FHL2: variants seen among roughly 807,000 people sequenced by gnomAD.
FHL2 encodes four and a half LIM domains 2.
In FHL2, 20 loss-of-function variants were observed where a neutral mutation model predicts 32.7. The ratio of observed to expected loss-of-function variants is 0.61; its 90% CI spans 0.43 to 0.89. The LOEUF (loss-of-function observed/expected upper bound fraction) is 0.89. FHL2 is among the 40% of genes least tolerant of loss of function. The pLI is 0.00. For missense variants in FHL2, 311 were observed against 358.6 expected, an observed-to-expected ratio of 0.87 and a Z score of 1.07; for synonymous variants, 123 against 128.1, an observed-to-expected ratio of 0.96 and a Z score of 0.27.
At chr2:105,407,110 C>A (rs1009365827) in intron 1 of FHL2, among the ~76,000 whole-genome samples, 213 of 152,174 alleles carry the variant, frequency 1.4e-3, no homozygotes, top group Non-Finnish European at 2.3e-3. Flanking sequence ...AATGCCTAAG[C>A]TGCTGGGCGT....
intron 2 of FHL2, among the ~76,000 whole-genome samples, chr2:105,394,836 TAAAA>T (rs1023406718): frequency 2.0e-5 from 3 of 152,144 alleles, no homozygotes; most frequent in East Asian, 3.9e-4. Flanking sequence ...ACTTCCAACT[TAAAA>T]AAAATAAATA....
intron 1 of FHL2, among the ~76,000 whole-genome samples, chr2:105,404,955 T>G (rs1683580326): frequency 6.6e-6 from 1 of 152,232 alleles, no homozygotes; most frequent in Non-Finnish European, 1.5e-5. Context: ...TTAGAGTTTA[T>G]TTGGAGCGTC....
At chr2:105,438,300 C>G (rs1276847847) in intron 1 of FHL2, 10 of 924,480 alleles carry the variant, frequency 1.1e-5, no homozygotes, top group Middle Eastern at 5.4e-4. Context: ...CTGGACACTC[C>G]CTCTGCATGC....
chr2:105,377,171 G>T (rs1057250335), intron 3 of FHL2, among the ~76,000 whole-genome samples: 1 of 152,150 alleles, frequency 6.6e-6, no homozygotes, highest in Non-Finnish European at 1.5e-5. Flanking sequence ...AATACTAGGC[G>T]TAAATGGGCT....
chr2:105,411,935 T>C (rs1683805932), intron 1 of FHL2, among the ~76,000 whole-genome samples: 2 of 152,254 alleles, frequency 1.3e-5, no homozygotes, highest in South Asian at 4.2e-4. Context: ...ATCCTCACAA[T>C]GCCACCAAGA....
At chr2:105,427,066 C>A (rs1220646525) in intron 1 of FHL2, among the ~76,000 whole-genome samples, 1 of 152,068 alleles carries the variant, frequency 6.6e-6, no homozygotes, top group Admixed American at 6.6e-5. Context: ...GTAAGAGAGC[C>A]GCCCTTGGCA....
downstream of FHL2, chr2:105,359,103 G>A (rs558744175): frequency 2.0e-5 from 3 of 152,310 alleles, no homozygotes; most frequent in South Asian, 6.2e-4. Context: ...GTGCTCCAGT[G>A]TTCTTAACAA....
intron 1 of FHL2, among the ~76,000 whole-genome samples, chr2:105,424,499 C>G (rs1296798509): frequency 6.6e-6 from 1 of 152,198 alleles, no homozygotes; most frequent in Admixed American, 6.5e-5. Flanking sequence ...ACTAGAATTA[C>G]CATTTCACCC....
At chr2:105,425,384 A>C (rs1371948229) in intron 1 of FHL2, among the ~76,000 whole-genome samples, 1 of 150,280 alleles carries the variant, frequency 6.7e-6, no homozygotes, top group Non-Finnish European at 1.5e-5. Flanking sequence ...CCTTGAAAGC[A>C]GGGTATTGTC....
intron 1 of FHL2, among the ~76,000 whole-genome samples, chr2:105,418,487 T>G (rs368219161): frequency 6.6e-6 from 1 of 152,352 alleles, no homozygotes; most frequent in East Asian, 1.9e-4. Context: ...GTTGCACATT[T>G]CATGAGAACT....
chr2:105,382,896 A>AT (rs774741732), intron 3 of FHL2, among the ~76,000 whole-genome samples: 141 of 151,858 alleles, frequency 9.3e-4, no homozygotes, highest in Non-Finnish European at 1.7e-3. Flanking sequence ...TTTTATTTTT[A>AT]TTTTTTTAAG....
chr2:105,378,292 A>T (rs142018637), intron 3 of FHL2: 2 of 429,136 alleles, frequency 4.7e-6, no homozygotes, highest in African/African-American at 2.0e-5. Flanking sequence ...TATTATCCAC[A>T]TGTTACTGGA....
intron 3 of FHL2, among the ~76,000 whole-genome samples, chr2:105,385,185 G>GTA (rs1314104061): frequency 3.7e-4 from 57 of 152,312 alleles, no homozygotes; most frequent in Middle Eastern, 3.4e-3. Flanking sequence ...GGCTGGTGCT[G>GTA]TACCTCTTTC....
chr2:105,419,888 G>A (rs1684047662), intron 1 of FHL2, among the ~76,000 whole-genome samples: 3 of 152,172 alleles, frequency 2.0e-5, no homozygotes, highest in South Asian at 2.1e-4. Context: ...TTGAGGAAAA[G>A]TTTTATTTTC....
chr2:105,358,459 A>G (rs934895314), downstream of FHL2: 2 of 152,330 alleles, frequency 1.3e-5, no homozygotes, highest in African/African-American at 4.8e-5. Flanking sequence ...ACCTGGGGCA[A>G]AGCCCTAGAC....
intron 5 of FHL2, among the ~76,000 whole-genome samples, chr2:105,367,225 T>C (rs2104504774): frequency 6.6e-6 from 1 of 152,354 alleles, no homozygotes; most frequent in Admixed American, 6.5e-5. Context: ...GCAGTTGTTT[T>C]CTTGTTTTAT....
At chr2:105,378,143 A>G (rs1178602551) in intron 3 of FHL2, 2 of 471,256 alleles carry the variant, frequency 4.2e-6, no homozygotes, top group Non-Finnish European at 8.8e-6. Flanking sequence ...AAAGCTGGCT[A>G]AGACATGCAC....
intron 1 of FHL2, among the ~76,000 whole-genome samples, chr2:105,407,264 C>A (rs569025160): frequency 6.6e-6 from 1 of 151,774 alleles, no homozygotes; most frequent in East Asian, 2.0e-4. Context: ...TGGTGGCGGG[C>A]GCCTGTAGTC....
intron 3 of FHL2, among the ~76,000 whole-genome samples, chr2:105,382,039 C>A (rs772131658): frequency 6.6e-6 from 1 of 152,154 alleles, no homozygotes; most frequent in South Asian, 2.1e-4. Context: ...TGTGTGAAAA[C>A]CTTCGTCTCC....
Sources: gnomAD v4.1 joint callset for allele counts (sites outside exome capture counted in the v4.1 genomes callset) on GRCh38, gnomAD v4.1.1 for gene constraint, MANE v1.5 for transcripts, NCBI Gene and HGNC (gene_info 2026-07-23, HGNC 2026-07-21) for gene names.